Variants in DNAH8 observed in about 807,000 individuals in gnomAD.
DNAH8 encodes dynein axonemal heavy chain 8, also known as axonemal beta dynein heavy chain 8.
DNAH8 carries 382 observed loss-of-function variants against 562.1 expected under a neutral mutation model. That is an observed-to-expected ratio of 0.68 (90% CI 0.63 to 0.74). The LOEUF (loss-of-function observed/expected upper bound fraction) is 0.74, where lower values mean the gene tolerates loss of function less well. Ranked by LOEUF, DNAH8 falls within the 30% of genes least tolerant of loss-of-function variation. The pLI, the probability that DNAH8 is intolerant of heterozygous loss-of-function variation, is 0.00. For missense variants in DNAH8, 5,203 were observed against 5,620.4 expected, an observed-to-expected ratio of 0.93 and a Z score of 2.37; for synonymous variants, 1,881 against 1,919.4, an observed-to-expected ratio of 0.98 and a Z score of 0.52.
chr6:39,008,439 T>C (rs1293872830), intron 88 of DNAH8, among the ~76,000 whole-genome samples: 1 of 152,146 alleles, frequency 6.6e-6, no homozygotes, highest in Non-Finnish European at 1.5e-5. Context: ...CCTATAATGA[T>C]AGACTCTTAT....
Position 38,875,821 on chromosome 6 carries a change from T to C in DNAH8, c.7851T>C (p.Thr2617=). 1 of 1,607,800 alleles carries C rather than the reference T, an allele frequency of 6.2e-7. No individual in the cohort carries two copies. Among genetic ancestry groups the C allele is most frequent in the Non-Finnish European group, 8.5e-7 (1 of 1,174,424 alleles). ...SNQTMYEFYV[T]DYGDWEHWNK... ...AAACCATGTATGAGTTTTATGTTAC[T>C]GATTATGGTAAGCCCACTGAACTAT... Residue 2617 remains threonine (T), a synonymous_variant, in exon 53 of 93, where the codon ACT becomes ACC. Transcript: ENST00000327475.
At chr6:38,730,794 T>A (rs987243516) in intron 4 of DNAH8, among the ~76,000 whole-genome samples, 2 of 152,224 alleles carry the variant, frequency 1.3e-5, no homozygotes, top group African/African-American at 4.8e-5. Flanking sequence ...AGATGTGAAT[T>A]TGCTGCTCCT....
chr6:39,004,275 G>A (rs1765662726), intron 88 of DNAH8, among the ~76,000 whole-genome samples: 1 of 152,026 alleles, frequency 6.6e-6, no homozygotes, highest in Non-Finnish European at 1.5e-5. Flanking sequence ...GATAACTTTA[G>A]CTACAGTCAC....
At chr6:38,803,559 T>C (rs1447018731) in intron 22 of DNAH8, among the ~76,000 whole-genome samples, 7 of 151,144 alleles carry the variant, frequency 4.6e-5, no homozygotes, top group Non-Finnish European at 2.9e-5. Context: ...CAAGTTGGCC[T>C]TCCTATGGAT....
intron 66 of DNAH8, among the ~76,000 whole-genome samples, chr6:38,913,520 A>G (rs1303731597): frequency 2.0e-5 from 3 of 152,204 alleles, no homozygotes; most frequent in Non-Finnish European, 4.4e-5. Context: ...ATAGCTACAA[A>G]CTGTTTACAA....
In DNAH8 at chr6:38,850,287, A is replaced by G; in HGVS notation, c.5236A>G (p.Ile1746Val). The G allele has an allele frequency of 6.2e-7, 1 of 1,613,636 alleles. No individual in the cohort carries two copies. Residue 1746 changes from isoleucine (I) to valine (V), a missense_variant, in exon 38 of 93, where the codon ATA becomes GTA. Ile to Val is a conservative substitution (Grantham distance 29, BLOSUM62 3). This residue lies in a region of DNAH8 where 2,176 missense variants were observed against 2,365.1 expected (regional missense o/e 0.92). Coordinates refer to ENST00000327475, the MANE Select transcript of DNAH8 (RefSeq NM_001206927.2). ...KRFQNIDKSW[I>V]KIMQRAHENP... Reference sequence around the variant, plus strand: ...TTTTCAGAATATTGACAAGTCTTGGATAAAAATAATGCAGCGAGCTCATGA... The same window carrying G: ...TTTTCAGAATATTGACAAGTCTTGGGTAAAAATAATGCAGCGAGCTCATGA...
At chr6:38,923,796 C>G (rs549485772) in intron 72 of DNAH8, among the ~76,000 whole-genome samples, 195 bp from the exon 73 acceptor site, 1 of 152,148 alleles carries the variant, frequency 6.6e-6, no homozygotes, top group African/African-American at 2.4e-5. Flanking sequence ...TCCTGACCAC[C>G]CCACATGTGG....
chr6:38,990,283 T>C, intron 88 of DNAH8, 111 bp downstream of exon 88: 1 of 773,098 alleles, frequency 1.3e-6, no homozygotes, highest in South Asian at 2.0e-5. Flanking sequence ...TTTTTTTATT[T>C]TACTGTGAAA....
rs760029543 is a variant in DNAH8, at chr6:38,852,818, A to AT, written c.5571+27dup. On this transcript the variant is annotated intron_variant, in intron 40 of 92. Coordinates refer to ENST00000327475, the MANE Select transcript of DNAH8 (RefSeq NM_001206927.2). ...ATTGTTGTAATTTACCTTGCTTTAA[A>AT]TTTTTTTATTAGAATTTCTTTAAAA... 3 of 1,576,224 alleles carry AT rather than the reference A, an allele frequency of 1.9e-6. No homozygotes were observed. Among genetic ancestry groups the AT allele is most frequent in the Non-Finnish European group, 2.6e-6 (3 of 1,147,648 alleles).
intron 88 of DNAH8, among the ~76,000 whole-genome samples, chr6:38,992,253 C>A (rs1257390932): frequency 2.0e-5 from 3 of 152,172 alleles, no homozygotes; most frequent in African/African-American, 7.2e-5. Context: ...CAGGTGTGAG[C>A]CACCGCACCC....
chr6:38,865,026 T>A (rs1203389988), intron 45 of DNAH8, among the ~76,000 whole-genome samples: 1 of 152,244 alleles, frequency 6.6e-6, no homozygotes, highest in Non-Finnish European at 1.5e-5. Context: ...CAAATTCAGT[T>A]ACCATGTGAT....
intron 79 of DNAH8, among the ~76,000 whole-genome samples, chr6:38,945,018 A>T (rs1258446865): frequency 6.6e-6 from 1 of 151,832 alleles, no homozygotes; most frequent in African/African-American, 2.4e-5. Flanking sequence ...CCTTAACCCC[A>T]ACCCTAACCC....
At position 38,722,781 on chromosome 6, in the gene DNAH8, G is replaced by T. The variant is rs1190122893; in HGVS notation, c.-29G>T. 3.3e-6 allele frequency: 5 copies of T among 1,528,022 alleles called. No homozygotes were observed. The highest frequency in any genetic ancestry group is 4.4e-6 in the Non-Finnish European group (5 of 1,139,348). 94.7% of individuals were successfully genotyped at this position (1,528,022 alleles called of 1,614,324 possible). A position where few individuals can be genotyped will look rare whatever the true frequency, so the allele number is the denominator to read the frequency against. On this transcript the variant is annotated 5_prime_UTR_variant, in exon 2 of 93. Coordinates refer to ENST00000327475, the MANE Select transcript of DNAH8 (RefSeq NM_001206927.2). ...AACCTATGTTATAATTCTAGGTTTC[G>T]AAGTATAAAGCATTCCGCACGACGG...
In DNAH8 at chr6:38,952,621, C is replaced by T. The variant is rs16891327; in HGVS notation, c.12451+1101C>T. On this transcript the variant is annotated intron_variant, in intron 82 of 92. Coordinates refer to ENST00000327475, the MANE Select transcript of DNAH8 (RefSeq NM_001206927.2). ...TATAAAATCAATTCAGTCATGTCCACGTACTAGCCACATGTCCCTCTGCAT... is the reference window on the plus strand; with the variant it reads ...TATAAAATCAATTCAGTCATGTCCATGTACTAGCCACATGTCCCTCTGCAT... Among the ~76,000 whole-genome samples the T allele has an allele frequency of 0.011, 1,720 of 152,286 alleles. 110 individuals are homozygous for T. The East Asian group carries it at 0.16, about 14-fold the overall frequency.
Position 38,853,294 on chromosome 6 carries a change from A to G in DNAH8, c.5680A>G (p.Ile1894Val). 1 of 1,613,560 alleles carries G rather than the reference A, an allele frequency of 6.2e-7. No homozygotes were observed. The highest frequency in any genetic ancestry group is 1.1e-5 in the South Asian group (1 of 90,950). ...TATAATTAGATCCGCTTTCTATCAA[A>G]TCAGTGATTCAGGATTTCAACTCTT... Reference protein sequence around the residue: ...HNIIRSAFYQISDSGFQLLPF... With the variant: ...HNIIRSAFYQVSDSGFQLLPF... Residue 1894 changes from isoleucine (I) to valine (V), a missense_variant, in exon 41 of 93, where the codon ATC (isoleucine) becomes GTC (valine). Coordinates refer to ENST00000327475, the MANE Select transcript of DNAH8 (RefSeq NM_001206927.2).
At chr6:38,715,791 A>ATCTCGGCTC (rs1311703896) in intron 1 of DNAH8, among the ~76,000 whole-genome samples, 2 of 108,998 alleles carry the variant, frequency 1.8e-5, no homozygotes, top group South Asian at 2.8e-4. Context: ...TGAGGGATGA[A>ATCTCGGCTC]ACAACTACAT....
chr6:38,815,914 A>T (rs552183302), intron 26 of DNAH8, among the ~76,000 whole-genome samples: 25 of 152,292 alleles, frequency 1.6e-4, no homozygotes, highest in African/African-American at 5.8e-4. Flanking sequence ...TCTGCATGAT[A>T]GTAGGTTGGA....
intron 36 of DNAH8, 48 bp downstream of exon 36, chr6:38,845,821 A>C (rs375546408): frequency 5.1e-5 from 75 of 1,482,928 alleles, no homozygotes; most frequent in Non-Finnish European, 1.1e-5. Context: ...ATTTAGGGTT[A>C]TAAAATTCTA....
intron 89 of DNAH8, among the ~76,000 whole-genome samples, chr6:39,011,778 C>G (rs1224527944): frequency 6.6e-6 from 1 of 152,186 alleles, no homozygotes; most frequent in Non-Finnish European, 1.5e-5. Context: ...TTGTTGGTAA[C>G]TGCTCTGTAA....
Sources: gnomAD v4.1 joint callset for allele counts (sites outside exome capture counted in the v4.1 genomes callset) on GRCh38, gnomAD v4.1.1 for gene constraint, gnomAD v4.1.1 regional missense constraint, MANE v1.5 for transcripts, NCBI Gene and HGNC (gene_info 2026-07-23, HGNC 2026-07-21) for gene names.